Variants in POLA1 observed in about 807,000 individuals in gnomAD.
The protein encoded by POLA1 is DNA polymerase alpha catalytic subunit.
Under a neutral mutation model 124.0 loss-of-function variants are expected in POLA1, and 15 were observed. That is an observed-to-expected ratio of 0.12 (90% CI 0.08 to 0.19). The LOEUF (loss-of-function observed/expected upper bound fraction) is 0.19, where lower values mean the gene tolerates loss of function less well. Among genes scored for constraint, POLA1 ranks in the 10% least tolerant of loss-of-function variants. The pLI is 1.00. For missense variants in POLA1, 886 were observed against 1,103.4 expected, an observed-to-expected ratio of 0.80 and a Z score of 2.79; for synonymous variants, 408 against 389.4, an observed-to-expected ratio of 1.05 and a Z score of -0.56.
intron 36 of POLA1, among the ~76,000 whole-genome samples, chrX:24,979,157 A>G (rs1219220274): frequency 8.9e-6 from 1 of 112,236 alleles, no homozygotes; most frequent in African/African-American, 3.2e-5. Flanking sequence ...TTTTAGAAGA[A>G]TTTAGATTTT....
At chrX:24,906,497 A>G (rs911878276) in intron 35 of POLA1, among the ~76,000 whole-genome samples, 5 of 106,274 alleles carry the variant, frequency 4.7e-5, no homozygotes, top group African/African-American at 1.7e-4. Flanking sequence ...AGGCATAAGA[A>G]TGATATAATG....
At chrX:24,994,037 G>T (rs147319337) in intron 36 of POLA1, among the ~76,000 whole-genome samples, 2 of 111,924 alleles carry the variant, frequency 1.8e-5, no homozygotes, top group Non-Finnish European at 3.8e-5. Flanking sequence ...CCGTATTACC[G>T]CAGCTCTTTA....
At chrX:24,986,816 A>G (rs2048485850) in intron 36 of POLA1, among the ~76,000 whole-genome samples, 1 of 110,247 alleles carries the variant, frequency 9.1e-6, no homozygotes, top group South Asian at 3.9e-4. Flanking sequence ...CTGCTTTCTC[A>G]GATTTCTTAA....
At chrX:24,817,860 A>G (rs1395136748) in intron 30 of POLA1, among the ~76,000 whole-genome samples, 2 of 109,034 alleles carry the variant, frequency 1.8e-5, no homozygotes, top group Admixed American at 9.9e-5. Context: ...CAGTTTCTAC[A>G]TTTTACTGCT....
At chrX:24,955,155 GT>G (rs1223709834) in intron 36 of POLA1, among the ~76,000 whole-genome samples, 407 of 100,091 alleles carry the variant, frequency 4.1e-3, no homozygotes, top group African/African-American at 0.012. Context: ...TTTGTTTTTG[GT>G]TTTTTTTTTT....
At chrX:24,741,340 A>G in intron 20 of POLA1, 35 bp from the exon 21 acceptor site, 1 of 1,102,027 alleles carries the variant, frequency 9.1e-7, no homozygotes, top group Non-Finnish European at 1.2e-6. Flanking sequence ...TCTTTTAATT[A>G]CTTGATTCTG....
intron 36 of POLA1, among the ~76,000 whole-genome samples, chrX:24,960,450 C>T (rs375946887): frequency 6.3e-5 from 7 of 111,535 alleles, no homozygotes; most frequent in Middle Eastern, 4.6e-3. Context: ...TAAGAGCTGA[C>T]GGCGAGTGAA....
chrX:24,981,890 A>C (rs745635043), intron 36 of POLA1, among the ~76,000 whole-genome samples: 27 of 112,282 alleles, frequency 2.4e-4, no homozygotes, highest in Non-Finnish European at 4.1e-4. Context: ...TGCTATTACT[A>C]ATGCAGACCT....
chrX:24,943,396 G>A (rs1475534324), intron 36 of POLA1, among the ~76,000 whole-genome samples: 4 of 112,414 alleles, frequency 3.6e-5, no homozygotes, highest in African/African-American at 1.3e-4. Flanking sequence ...TTTTTGTTGT[G>A]TTTTGTTTTT....
intron 26 of POLA1, among the ~76,000 whole-genome samples, chrX:24,771,355 T>C (rs2045030688): frequency 9.0e-6 from 1 of 111,683 alleles, no homozygotes; most frequent in Admixed American, 9.5e-5. Context: ...CTCAATTCTC[T>C]AATAAACACA....
chrX:24,986,180 A>G (rs1359971987), intron 36 of POLA1, among the ~76,000 whole-genome samples: 1 of 111,353 alleles, frequency 9.0e-6, no homozygotes, highest in Non-Finnish European at 1.9e-5. Context: ...CTCAAAAAAA[A>G]AGAAAGGGTT....
chrX:24,887,943 A>C (rs1233658604), intron 34 of POLA1, 63 bp from the exon 35 acceptor site: 6 of 685,249 alleles, frequency 8.8e-6, no homozygotes, highest in Non-Finnish European at 1.4e-5. Flanking sequence ...TTGATAACCA[A>C]AAAAAGGTTT....
At chrX:24,942,861 A>G (rs761293448) in intron 36 of POLA1, among the ~76,000 whole-genome samples, 4 of 111,534 alleles carry the variant, frequency 3.6e-5, no homozygotes, top group African/African-American at 9.8e-5. Context: ...ACGCCCAGCT[A>G]ATTTTTGTAT....
At chrX:24,938,829 C>T (rs772993312) in intron 36 of POLA1, among the ~76,000 whole-genome samples, 30 of 112,185 alleles carry the variant, frequency 2.7e-4, no homozygotes, top group Non-Finnish European at 5.6e-4. Flanking sequence ...ACTACATTTT[C>T]CAAGAAATGG....
chrX:24,817,385 G>A (rs1432281626), intron 30 of POLA1, among the ~76,000 whole-genome samples: 1 of 110,354 alleles, frequency 9.1e-6, no homozygotes, highest in Non-Finnish European at 1.9e-5. Flanking sequence ...TGAGGCGGGT[G>A]GATCACGAGG....
At chrX:24,728,923 C>G (rs1416787623) in intron 15 of POLA1, among the ~76,000 whole-genome samples, 5 of 112,111 alleles carry the variant, frequency 4.5e-5, no homozygotes, top group African/African-American at 1.3e-4. Context: ...TTTCCGCATA[C>G]TATAAGTGAG....
At chrX:24,946,352 T>C (rs776032289) in intron 36 of POLA1, among the ~76,000 whole-genome samples, 8 of 111,597 alleles carry the variant, frequency 7.2e-5, no homozygotes, top group Non-Finnish European at 1.3e-4. Context: ...CCTGTGCTCA[T>C]CTCTTGGGGT....
At chrX:24,766,149 G>A (rs1932899740) in intron 26 of POLA1, among the ~76,000 whole-genome samples, 1 of 112,307 alleles carries the variant, frequency 8.9e-6, no homozygotes, top group Non-Finnish European at 1.9e-5. Flanking sequence ...TGAAAAGTAA[G>A]CATTCCTCTA....
intron 36 of POLA1, among the ~76,000 whole-genome samples, chrX:24,980,239 A>T (rs2048406530): frequency 1.8e-5 from 2 of 111,935 alleles, no homozygotes; most frequent in African/African-American, 6.5e-5. Flanking sequence ...TCCGACTCTT[A>T]CCGGGTAGAC....
Sources: gnomAD v4.1 joint callset for allele counts (sites outside exome capture counted in the v4.1 genomes callset) on GRCh38, gnomAD v4.1.1 for gene constraint, MANE v1.5 for transcripts, NCBI Gene and HGNC (gene_info 2026-07-23, HGNC 2026-07-21) for gene names.